Variants in PDE4D observed in about 807,000 individuals in gnomAD.
The protein encoded by PDE4D is 3',5'-cyclic-AMP phosphodiesterase 4D.
Under a neutral mutation model 87.4 loss-of-function variants are expected in PDE4D, and 24 were observed. The ratio of observed to expected loss-of-function variants is 0.27; its 90% CI spans 0.20 to 0.39. The LOEUF (loss-of-function observed/expected upper bound fraction) is 0.39. Among genes scored for constraint, PDE4D ranks in the 10% least tolerant of loss-of-function variants. The probability of loss-of-function intolerance (pLI) is 1.00; values close to 1 mark genes in which losing one functional copy is unlikely to be tolerated. For missense variants in PDE4D, 714 were observed against 1,041.0 expected, an observed-to-expected ratio of 0.69 and a Z score of 4.32; for synonymous variants, 384 against 383.2, an observed-to-expected ratio of 1.00 and a Z score of -0.02.
At position 59,509,237 on chromosome 5, in the gene PDE4D, G is replaced by A. The variant is rs143571759; in HGVS notation, c.456-293269C>T. The stretch of plus-strand genomic sequence containing the variant: ...ATTTCTCAAAAGACAAGGTAGTATC[G>A]TATTTAAAGAGGTGAAGAGAAGTAG... On this transcript the variant is annotated intron_variant, in intron 1 of 14. Transcript: ENST00000340635. Among the ~76,000 whole-genome samples, 120 of 151,992 alleles carry A rather than the reference G, an allele frequency of 7.9e-4. 1 individual carries two copies. The East Asian group carries it at 0.02, about 26-fold the overall frequency.
chr5:59,387,498 C>T (rs1166104727), intron 1 of PDE4D, among the ~76,000 whole-genome samples: 1 of 152,150 alleles, frequency 6.6e-6, no homozygotes, highest in African/African-American at 2.4e-5. Flanking sequence ...GACATGATTT[C>T]TCAATGAGAA....
chr5:59,373,645 T>C (rs1211608327), intron 1 of PDE4D, among the ~76,000 whole-genome samples: 21 of 152,176 alleles, frequency 1.4e-4, no homozygotes, highest in Non-Finnish European at 1.5e-5. Flanking sequence ...CCTAACCTAG[T>C]TAGAGAGGCC....
intron 1 of PDE4D, among the ~76,000 whole-genome samples, chr5:60,395,972 G>A (rs1258776097): frequency 6.6e-6 from 1 of 152,116 alleles, no homozygotes; most frequent in East Asian, 1.9e-4. Flanking sequence ...AAGCAGGCAT[G>A]TGATAGCTAA....
chr5:59,902,614 C>G (rs1048323154), intron 3 of PDE4D, among the ~76,000 whole-genome samples: 3 of 152,074 alleles, frequency 2.0e-5, no homozygotes, highest in Non-Finnish European at 2.9e-5. Context: ...ATTATATGCT[C>G]TATAACCTAC....
Position 59,083,573 on chromosome 5 carries a change from C to T in PDE4D, c.809-44602G>A, listed in dbSNP as rs888209205. On this transcript the variant is annotated intron_variant, in intron 5 of 14. Coordinates refer to ENST00000340635, the MANE Select transcript of PDE4D (RefSeq NM_001104631.2). ...GAATATTACTTGAATTGCATTTTAT[C>T]CAATCTTTATATATACATATATATT... 8.6e-5 allele frequency among the ~76,000 whole-genome samples: 13 copies of T among 150,354 alleles called. No individual in the cohort carries two copies. In the South Asian group the frequency reaches 1.5e-3, roughly 17 times the overall value.
chr5:60,198,901 T>C (rs1583047671), intron 1 of PDE4D, among the ~76,000 whole-genome samples: 1 of 151,640 alleles, frequency 6.6e-6, no homozygotes, highest in South Asian at 2.1e-4. Flanking sequence ...AATGCACTCT[T>C]CCCAGGATTG....
chr5:59,550,708 T>TTC (rs1554023939), intron 1 of PDE4D, among the ~76,000 whole-genome samples: 2 of 151,514 alleles, frequency 1.3e-5, no homozygotes, highest in Admixed American at 6.6e-5. Flanking sequence ...AAGAATTTTT[T>TTC]TTTTTTTGAG....
intron 1 of PDE4D, among the ~76,000 whole-genome samples, chr5:59,589,516 A>G (rs1825632279): frequency 6.6e-6 from 1 of 152,218 alleles, no homozygotes; most frequent in Non-Finnish European, 1.5e-5. Context: ...CTTATACAAG[A>G]GAGTAGGTCT....
chr5:59,329,498 G>A (rs559653077), intron 1 of PDE4D, among the ~76,000 whole-genome samples: 1 of 152,244 alleles, frequency 6.6e-6, no homozygotes, highest in East Asian at 1.9e-4. Context: ...ACTCACTGAA[G>A]TCCTTAAATA....
chr5:59,750,821 A>T (rs1044890435), intron 1 of PDE4D, among the ~76,000 whole-genome samples: 1 of 152,024 alleles, frequency 6.6e-6, no homozygotes. Context: ...CTGTAGTCCC[A>T]GCTACCTGAG....
intron 1 of PDE4D, among the ~76,000 whole-genome samples, chr5:60,424,076 C>T (rs181211376): frequency 6.1e-4 from 93 of 152,152 alleles, no homozygotes; most frequent in African/African-American, 2.0e-3. Context: ...GTCCAGGACC[C>T]GATGGATTCA....
At chr5:60,287,287 A>G (rs972522012) in intron 1 of PDE4D, among the ~76,000 whole-genome samples, 15 of 152,136 alleles carry the variant, frequency 9.9e-5, no homozygotes, top group Non-Finnish European at 1.3e-4. Flanking sequence ...TACAAAATGC[A>G]CCTTCTGTTG....
chr5:60,508,327 A>G (rs908140806), intron 1 of PDE4D, among the ~76,000 whole-genome samples: 4 of 152,220 alleles, frequency 2.6e-5, no homozygotes, highest in African/African-American at 9.6e-5. Flanking sequence ...TCAATTGAGA[A>G]TTCCTTGGGA....
At chr5:60,417,898 GAA>G (rs34545833) in intron 1 of PDE4D, among the ~76,000 whole-genome samples, 1 of 145,776 alleles carries the variant, frequency 6.9e-6, no homozygotes, top group South Asian at 2.2e-4. Flanking sequence ...AAGAGAGAGG[GAA>G]AAAAAAAACA....
At position 59,244,650 on chromosome 5, in the gene PDE4D, G is replaced by GTA. The variant is rs1213996604; in HGVS notation, c.456-28684_456-28683dup. Among the ~76,000 whole-genome samples the GTA allele has an allele frequency of 4.4e-5, 6 of 135,310 alleles. No homozygotes were observed. In the East Asian group the frequency reaches 8.8e-4, roughly 20 times the overall value. The allele number at this position is 135,310 out of a possible 152,430, so 88.8% of individuals were successfully genotyped here. On this transcript the variant is annotated intron_variant, in intron 1 of 14. Transcript: ENST00000340635. ...TACATTTACATATATACATATATATGTATAGATATATGTATGTATGTGTGT... is the reference window on the plus strand; with the variant it reads ...TACATTTACATATATACATATATATGTATATAGATATATGTATGTATGTGTGT...
intron 1 of PDE4D, among the ~76,000 whole-genome samples, chr5:59,381,919 A>G (rs1265773560): frequency 1.3e-5 from 2 of 152,224 alleles, no homozygotes; most frequent in Admixed American, 6.5e-5. Flanking sequence ...GGAGAAAACA[A>G]AAAACTAGGG....
intron 1 of PDE4D, among the ~76,000 whole-genome samples, chr5:59,498,821 C>A (rs1807707387): frequency 6.6e-6 from 1 of 151,858 alleles, no homozygotes. Flanking sequence ...CATGGCCACC[C>A]AATAATAGTG....
chr5:60,290,666 A>G (rs1562293182), intron 1 of PDE4D, among the ~76,000 whole-genome samples: 2 of 151,988 alleles, frequency 1.3e-5, no homozygotes, highest in African/African-American at 4.8e-5. Context: ...TTAGCTGTGC[A>G]TGGTGGCGCA....
chr5:60,160,190 G>A lies in PDE4D; in HGVS notation c.42+25367C>T, dbSNP rs1372785045. Among the ~76,000 whole-genome samples, 3 of 151,920 alleles carry A rather than the reference G, an allele frequency of 2.0e-5. No homozygotes were observed. The East Asian group carries it at 5.8e-4, about 29-fold the overall frequency. ...TTTCTTTTCTCTAGCTTACTTTATT[G>A]TAAGAATACGGTATATAATACAAAA... On this transcript the variant is annotated intron_variant, in intron 2 of 16. Transcript: ENST00000502484.
Sources: gnomAD v4.1 joint callset for allele counts (sites outside exome capture counted in the v4.1 genomes callset) on GRCh38, gnomAD v4.1.1 for gene constraint, MANE v1.5 for transcripts, NCBI Gene and HGNC (gene_info 2026-07-23, HGNC 2026-07-21) for gene names.